Variants in TTC7A observed in about 807,000 individuals in gnomAD.
The protein encoded by TTC7A is tetratricopeptide repeat domain 7A.
TTC7A carries 110 observed loss-of-function variants against 103.7 expected under a neutral mutation model. That is an observed-to-expected ratio of 1.06 (90% confidence interval 0.91 to 1.24). TTC7A has a LOEUF of 1.24. TTC7A is among the 50% of genes most tolerant of loss of function. The pLI is 0.00. For synonymous variants in TTC7A, 521 were observed against 467.9 expected (o/e 1.11, Z -1.47); for missense variants, 1,340 against 1,116.3 (o/e 1.20, Z -2.86).
chr2:46,939,243 A>G (rs1337156515), upstream of TTC7A, among the ~76,000 whole-genome samples: 1 of 152,100 alleles, frequency 6.6e-6, no homozygotes, highest in Non-Finnish European at 1.5e-5. Flanking sequence ...AATAGCCTCT[A>G]AAACAAGTCA....
At chr2:46,968,080 C>T (rs1368901010) in intron 3 of TTC7A, among the ~76,000 whole-genome samples, 1 of 152,154 alleles carries the variant, frequency 6.6e-6, no homozygotes, top group Admixed American at 6.5e-5. Flanking sequence ...TCCAGGGTTC[C>T]AAGGGTGGGG....
At chr2:46,932,383 A>T (rs1029844483) in intron 2 of TTC7A, among the ~76,000 whole-genome samples, 4 of 152,106 alleles carry the variant, frequency 2.6e-5, no homozygotes, top group Non-Finnish European at 5.9e-5. Flanking sequence ...TCTTGACCTC[A>T]TATGATCCTC....
chr2:47,050,535 T>G (rs1682769366), intron 17 of TTC7A: 2 of 156,316 alleles, frequency 1.3e-5, no homozygotes, highest in Admixed American at 1.2e-4. Flanking sequence ...GAGGACCTGC[T>G]TAAAGCAGAA....
At position 46,941,455 on chromosome 2, in the gene TTC7A, G is replaced by T; in HGVS notation, c.-87G>T. On this transcript the variant is annotated 5_prime_UTR_variant, in exon 1 of 20. Coordinates refer to ENST00000319190, the MANE Select transcript of TTC7A (RefSeq NM_020458.4). The surrounding 1 kb of genome is among the most constrained non-coding windows in gnomAD (Gnocchi z 4.2). ...TGCCGTCTGCGCCCCCGTCGACCCC[G>T]CCCGCGAGTGCGCCCCAGCCAGGAC... 1 of 1,416,500 alleles carries T rather than the reference G, an allele frequency of 7.1e-7. No individual in the cohort carries two copies. The highest frequency in any genetic ancestry group is 9.3e-7 in the Non-Finnish European group (1 of 1,071,384). 87.7% of individuals were successfully genotyped at this position (1,416,500 alleles called of 1,614,324 possible).
intron 11 of TTC7A, among the ~76,000 whole-genome samples, chr2:47,021,251 C>T (rs1679243891): frequency 6.6e-6 from 1 of 152,240 alleles, no homozygotes; most frequent in Non-Finnish European, 1.5e-5. Flanking sequence ...GCCCCCTAAA[C>T]CGGCCTGACT....
At chr2:47,055,946 C>A (rs1016012181) in intron 18 of TTC7A, among the ~76,000 whole-genome samples, 2 of 151,678 alleles carry the variant, frequency 1.3e-5, no homozygotes, top group Non-Finnish European at 2.9e-5. Context: ...TCCTGCCCCC[C>A]TCCTGTCTTC....
At chr2:46,976,514 G>A (rs1056674418) in intron 4 of TTC7A, among the ~76,000 whole-genome samples, 3 of 152,206 alleles carry the variant, frequency 2.0e-5, no homozygotes, top group South Asian at 2.1e-4. Context: ...CTTGCACCTC[G>A]CCTTCCTTGG....
chr2:47,071,441 G>C (rs983608852), intron 19 of TTC7A, among the ~76,000 whole-genome samples: 3 of 152,178 alleles, frequency 2.0e-5, no homozygotes, highest in South Asian at 4.1e-4. Flanking sequence ...CACCTGGAAG[G>C]ACCCTCTGCT....
chr2:47,060,327 G>A (rs900226421), intron 18 of TTC7A, among the ~76,000 whole-genome samples: 8 of 151,992 alleles, frequency 5.3e-5, no homozygotes, highest in African/African-American at 1.2e-4. Context: ...CTGAGATCGC[G>A]CCACTGCACT....
chr2:46,999,524 G>T, intron 8 of TTC7A: 1 of 985,424 alleles, frequency 1.0e-6, no homozygotes, highest in Non-Finnish European at 1.2e-6. Context: ...GCAATGTAAA[G>T]ACAACGATTA....
intron 18 of TTC7A, 21 bp from the exon 19 acceptor site, chr2:47,060,748 A>C: frequency 6.3e-7 from 1 of 1,579,364 alleles, no homozygotes; most frequent in Non-Finnish European, 8.6e-7. Flanking sequence ...CACACCTCCC[A>C]CTGCCCTTCT....
chr2:47,063,661 G>A (rs1378680434), intron 19 of TTC7A, among the ~76,000 whole-genome samples: 2 of 152,338 alleles, frequency 1.3e-5, no homozygotes, highest in East Asian at 1.9e-4. Context: ...CCCCCAGGGA[G>A]GACACTCTGG....
At chr2:46,935,962 G>A (rs1024673111) in intron 2 of TTC7A, among the ~76,000 whole-genome samples, 1 of 151,914 alleles carries the variant, frequency 6.6e-6, no homozygotes, top group African/African-American at 2.4e-5. Flanking sequence ...GTGGTGGCGT[G>A]TGCCTGTAGT....
chr2:46,959,793 G>C (rs1171785599), intron 3 of TTC7A, among the ~76,000 whole-genome samples: 1 of 152,184 alleles, frequency 6.6e-6, no homozygotes, highest in Non-Finnish European at 1.5e-5. Context: ...CCGGGAGCCT[G>C]AGTGAAGGGG....
chr2:46,955,718 T>C (rs1253484074), intron 2 of TTC7A, among the ~76,000 whole-genome samples: 1 of 152,188 alleles, frequency 6.6e-6, no homozygotes, highest in Non-Finnish European at 1.5e-5. Flanking sequence ...GGGCAGTAGA[T>C]GGTAAGGAGT....
chr2:46,957,106 C>A lies in TTC7A; in HGVS notation c.517+99C>A, dbSNP rs540424757. On this transcript the variant is annotated intron_variant, in intron 3 of 19. Transcript: ENST00000319190. ...TGGGCTCGTGTCCAGATTCTTCACCCCTGGTAGTGCCCATGCCCTGGCACT... is the reference window on the plus strand; with the variant it reads ...TGGGCTCGTGTCCAGATTCTTCACCACTGGTAGTGCCCATGCCCTGGCACT... 79 of 1,464,202 alleles carry A rather than the reference C, an allele frequency of 5.4e-5. No homozygotes were observed. In the East Asian group the frequency reaches 1.2e-3, roughly 22 times the overall value. The allele number at this position is 1,464,202 out of a possible 1,614,324, so 90.7% of individuals were successfully genotyped here. A position where few individuals can be genotyped will look rare whatever the true frequency, so the allele number is the denominator to read the frequency against.
intron 3 of TTC7A, among the ~76,000 whole-genome samples, chr2:46,973,623 G>A (rs1456129051): frequency 6.6e-6 from 1 of 152,220 alleles, no homozygotes; most frequent in East Asian, 1.9e-4. Flanking sequence ...TCGAGGGACT[G>A]AGTGGAGTTC....
At chr2:47,038,175 C>G (rs1681325099) in intron 15 of TTC7A, among the ~76,000 whole-genome samples, 2 of 151,274 alleles carry the variant, frequency 1.3e-5, no homozygotes, top group Non-Finnish European at 2.9e-5. Context: ...AGGAGAATCG[C>G]TTGAACCCAG....
chr2:47,003,441 G>T (rs1190772168), intron 8 of TTC7A, among the ~76,000 whole-genome samples: 1 of 152,002 alleles, frequency 6.6e-6, no homozygotes, highest in African/African-American at 2.4e-5. Context: ...CCGAAGATGG[G>T]CCATGGTGAC....
Sources: gnomAD v4.1 joint callset for allele counts (sites outside exome capture counted in the v4.1 genomes callset) on GRCh38, gnomAD v4.1.1 for gene constraint, Gnocchi (gnomAD v3.1) non-coding constraint, MANE v1.5 for transcripts, NCBI Gene and HGNC (gene_info 2026-07-23, HGNC 2026-07-21) for gene names.